The following PRKACB variants were observed in gnomAD, a reference collection of about 807,000 sequenced individuals.
PRKACB encodes the protein cAMP-dependent protein kinase catalytic subunit beta.
PRKACB carries 16 observed loss-of-function variants against 51.4 expected under a neutral mutation model. The ratio of observed to expected loss-of-function variants is 0.31; its 90% CI spans 0.21 to 0.47. The LOEUF is 0.47. Ranked by LOEUF, PRKACB falls within the 20% of genes least tolerant of loss-of-function variation. PRKACB has a pLI of 1.00. For missense variants in PRKACB, 309 were observed against 464.5 expected, an observed-to-expected ratio of 0.67 and a Z score of 3.08; for synonymous variants, 147 against 154.4, an observed-to-expected ratio of 0.95 and a Z score of 0.35.
At chr1:84,212,365 A>G (rs1672267215) in intron 8 of PRKACB, among the ~76,000 whole-genome samples, 1 of 152,188 alleles carries the variant, frequency 6.6e-6, no homozygotes, top group Non-Finnish European at 1.5e-5. Flanking sequence ...AGACTAGCAC[A>G]AAAGTGGCAG....
In PRKACB at chr1:84,164,789, G is replaced by C. The variant is rs1420968620; in HGVS notation, c.188-14388G>C. 4.3e-6 allele frequency: 6 copies of C among 1,381,808 alleles called. No homozygotes were observed. The East Asian group carries it at 1.6e-4, about 36-fold the overall frequency. 85.6% of individuals were successfully genotyped at this position (1,381,808 alleles called of 1,614,324 possible). ...TTATAGACATCTTTGGCATTAATCT[G>C]ATGTTTACTAGTGATATCTCATGCT... is the stretch of plus-strand genomic sequence containing the variant. On this transcript the variant is annotated intron_variant, in intron 1 of 9. Coordinates refer to ENST00000370685, the MANE Select transcript of PRKACB (RefSeq NM_182948.4).
intron 1 of PRKACB, among the ~76,000 whole-genome samples, chr1:84,138,169 AT>A (rs1315047231): frequency 6.6e-6 from 1 of 152,154 alleles, no homozygotes; most frequent in Non-Finnish European, 1.5e-5. Context: ...CAAAGTGAGC[AT>A]GGGGCATCTT....
chr1:84,126,696 C>T (rs2792976), intron 1 of PRKACB, among the ~76,000 whole-genome samples: 102,821 of 151,974 alleles, frequency 0.68, 35,960 homozygotes, highest in Non-Finnish European at 0.79. Context: ...AGTATTTCCC[C>T]GCCTCCTGTC....
intron 2 of PRKACB, chr1:84,181,695 A>G: frequency 6.6e-7 from 1 of 1,524,862 alleles, no homozygotes; most frequent in East Asian, 2.5e-5. Flanking sequence ...GCTTATATAA[A>G]GACAGAAATG....
At position 84,100,247 on chromosome 1, in the gene PRKACB, GCATGGGGAAAACCTCTCC is replaced by G. The variant is rs575406805; in HGVS notation, c.46+21881_46+21898del. Among the ~76,000 whole-genome samples the G allele has an allele frequency of 3.8e-3, 574 of 152,232 alleles. 2 individuals carry two copies. The highest frequency in any genetic ancestry group is 0.012 in the African/African-American group (514 of 41,532). ...GAACTCAGTCACTGTTATGAGAACAGCATGGGGAAAACCTCTCCCATGATCCAATCACTTCCCACTGGG... is the reference window on the plus strand; with the variant it reads ...GAACTCAGTCACTGTTATGAGAACAGCATGATCCAATCACTTCCCACTGGG... On this transcript the variant is annotated intron_variant, in intron 1 of 8. Coordinates refer to the PRKACB transcript ENST00000370688.
intron 5 of PRKACB, among the ~76,000 whole-genome samples, chr1:84,191,862 C>A (rs997889761): frequency 6.6e-6 from 1 of 151,878 alleles, no homozygotes; most frequent in Non-Finnish European, 1.5e-5. Context: ...AATTAAAAAA[C>A]CAATTAATTT....
intron 1 of PRKACB, among the ~76,000 whole-genome samples, chr1:84,135,974 A>T (rs1236914899): frequency 2.0e-5 from 3 of 152,096 alleles, no homozygotes; most frequent in Admixed American, 6.5e-5. Flanking sequence ...TTATTTGAAA[A>T]AAATAAATAA....
In PRKACB at chr1:84,186,515, G is replaced by A. The variant is rs140408582; in HGVS notation, c.560+1333G>A. Among the ~76,000 whole-genome samples, 16 of 152,128 alleles carry A rather than the reference G, an allele frequency of 1.1e-4. No individual in the cohort carries two copies. In the East Asian group the frequency reaches 2.9e-3, roughly 28 times the overall value. Reference sequence around the variant, plus strand: ...ATTACAGGTGTGAGCTACCACACCTGGCCTTAATTCTTGGAGCAGGTGCTG... The same window carrying A: ...ATTACAGGTGTGAGCTACCACACCTAGCCTTAATTCTTGGAGCAGGTGCTG... On this transcript the variant is annotated intron_variant, in intron 5 of 9. Coordinates refer to ENST00000370685, the MANE Select transcript of PRKACB (RefSeq NM_182948.4).
At chr1:84,133,458 T>C (rs1652462400) in intron 1 of PRKACB, among the ~76,000 whole-genome samples, 1 of 152,166 alleles carries the variant, frequency 6.6e-6, no homozygotes, top group African/African-American at 2.4e-5. Context: ...TATTCCTCAT[T>C]GATCTAAAAG....
intron 9 of PRKACB, among the ~76,000 whole-genome samples, chr1:84,224,393 A>G (rs61766396): frequency 6.6e-6 from 1 of 152,222 alleles, no homozygotes; most frequent in South Asian, 2.1e-4. Flanking sequence ...AAGCGATTGT[A>G]ATAGTGATGG....
rs185801911 is a variant in PRKACB, at chr1:84,114,408, G to C, written c.46+36037G>C. On this transcript the variant is annotated intron_variant, in intron 1 of 8. Coordinates refer to the PRKACB transcript ENST00000370688. ...GTGGTTGTTTCTAAGGGCAGAGAAG[G>C]AGAATCAGGATGTGGATAGTAATCA... Among the ~76,000 whole-genome samples, 58 of 152,128 alleles carry C rather than the reference G, an allele frequency of 3.8e-4. No homozygotes were observed. In the East Asian group the frequency reaches 0.01, roughly 27 times the overall value.
At chr1:84,104,864 T>C (rs960698053) in intron 1 of PRKACB, among the ~76,000 whole-genome samples, 2 of 152,156 alleles carry the variant, frequency 1.3e-5, no homozygotes, top group African/African-American at 4.8e-5. Context: ...AGGTTTTCCA[T>C]GGAATAGAAG....
chr1:84,128,677 A>G (rs1259675369), intron 1 of PRKACB, among the ~76,000 whole-genome samples: 1 of 152,238 alleles, frequency 6.6e-6, no homozygotes, highest in South Asian at 2.1e-4. Flanking sequence ...AGCCATACAC[A>G]AAACTAGTGA....
At chr1:84,106,072 A>C (rs1649721349) in intron 1 of PRKACB, among the ~76,000 whole-genome samples, 1 of 152,182 alleles carries the variant, frequency 6.6e-6, no homozygotes, top group Non-Finnish European at 1.5e-5. Flanking sequence ...GTATACAGGA[A>C]GATGTGCATA....
chr1:84,185,470 A>G (rs1337569481), intron 5 of PRKACB, among the ~76,000 whole-genome samples: 2 of 151,852 alleles, frequency 1.3e-5, no homozygotes, highest in African/African-American at 2.4e-5. Flanking sequence ...AATTAATTGA[A>G]TTTTAAAATA....
chr1:84,110,636 C>G (rs1056919252), intron 1 of PRKACB, among the ~76,000 whole-genome samples: 1 of 151,870 alleles, frequency 6.6e-6, no homozygotes, highest in Admixed American at 6.6e-5. Flanking sequence ...AGTTTTTTCC[C>G]TTACTCTATA....
chr1:84,232,699 T>C (rs1416782206), intron 9 of PRKACB, among the ~76,000 whole-genome samples: 1 of 152,170 alleles, frequency 6.6e-6, no homozygotes, highest in Admixed American at 6.5e-5. Flanking sequence ...TCTTTGTTGG[T>C]TTAAAGTCTG....
At chr1:84,137,591 G>A (rs901913277) in intron 1 of PRKACB, among the ~76,000 whole-genome samples, 2 of 152,186 alleles carry the variant, frequency 1.3e-5, no homozygotes, top group Non-Finnish European at 2.9e-5. Flanking sequence ...ACAAATGTAT[G>A]AAACAACCTA....
chr1:84,175,083 A>C (rs916350566), intron 1 of PRKACB: 13 of 1,419,092 alleles, frequency 9.2e-6, no homozygotes, highest in Admixed American at 3.2e-5. Context: ...TAATAAAACA[A>C]ATATTACCTT....
Sources: gnomAD v4.1 joint callset for allele counts (sites outside exome capture counted in the v4.1 genomes callset) on GRCh38, gnomAD v4.1.1 for gene constraint, MANE v1.5 for transcripts, NCBI Gene and HGNC (gene_info 2026-07-23, HGNC 2026-07-21) for gene names.